The following CHD2 variants were observed in gnomAD, a reference collection of about 807,000 sequenced individuals.
CHD2 encodes chromodomain helicase DNA binding protein 2, also known as ATP-dependent chromatin remodeler CHD2.
CHD2 carries 28 observed loss-of-function variants against 243.9 expected under a neutral mutation model. The ratio of observed to expected loss-of-function variants is 0.11; its 90% confidence interval spans 0.09 to 0.16. The LOEUF (loss-of-function observed/expected upper bound fraction) is 0.16, where lower values mean the gene tolerates loss of function less well. CHD2 is among the 10% of genes least tolerant of loss of function. The probability of loss-of-function intolerance (pLI) is 1.00; values close to 1 mark genes in which losing one functional copy is unlikely to be tolerated. For synonymous variants in CHD2, 775 were observed against 779.0 expected (o/e 0.99, Z 0.09); for missense variants, 1,386 against 2,209.8 (o/e 0.63, Z 7.47).
chr15:93,015,705 A>G (rs185501526), intron 37 of CHD2, among the ~76,000 whole-genome samples: 3 of 152,352 alleles, frequency 2.0e-5, no homozygotes, highest in Admixed American at 6.5e-5. Flanking sequence ...AAGGACCTGA[A>G]TAGACATTTC....
intron 27 of CHD2, among the ~76,000 whole-genome samples, chr15:92,992,340 T>C (rs958389031): frequency 2.0e-5 from 3 of 152,174 alleles, no homozygotes; most frequent in Non-Finnish European, 4.4e-5. Context: ...GCCAATAGAA[T>C]GTGGAAAAGG....
chr15:92,986,911 T>A (rs1176149715), intron 26 of CHD2, among the ~76,000 whole-genome samples: 1 of 152,048 alleles, frequency 6.6e-6, no homozygotes, highest in African/African-American at 2.4e-5. Context: ...AAAAATTTTT[T>A]TTTTTGGTAG....
chr15:92,937,383 T>C (rs1284916138), intron 5 of CHD2, 135 bp from the exon 6 acceptor site: 7 of 611,956 alleles, frequency 1.1e-5, no homozygotes, highest in Non-Finnish European at 1.7e-5. Flanking sequence ...TAAATGGAGC[T>C]AGAATCTCTT....
chr15:92,988,474 C>A (rs920160186), intron 26 of CHD2, among the ~76,000 whole-genome samples: 1 of 152,114 alleles, frequency 6.6e-6, no homozygotes, highest in African/African-American at 2.4e-5. Context: ...TCTATTATTC[C>A]ATGGGTGCTC....
rs139849677 is a variant in CHD2 at position 92,909,813 on chromosome 15, G to A, written c.62+8514G>A. Among the ~76,000 whole-genome samples the A allele has an allele frequency of 8.0e-3, 1,210 of 151,986 alleles. 51 individuals are homozygous for A. The highest frequency in any genetic ancestry group is 0.068 in the Admixed American group (1,037 of 15,260). On this transcript the variant is annotated intron_variant, in intron 2 of 38. Transcript: ENST00000394196. ...ATTACAGATGTGAGCCACCGTACCT[G>A]GCCTTCACTTTGGATTTTATCAGGA...
At chr15:92,940,768 T>C (rs979012165) in intron 7 of CHD2, among the ~76,000 whole-genome samples, 2 of 141,828 alleles carry the variant, frequency 1.4e-5, no homozygotes, top group African/African-American at 2.6e-5. Context: ...TATAAAAATA[T>C]ATATAAAAAA....
intron 20 of CHD2, among the ~76,000 whole-genome samples, chr15:92,975,451 A>G (rs374825266): frequency 6.6e-6 from 1 of 152,214 alleles, no homozygotes; most frequent in East Asian, 1.9e-4. Flanking sequence ...GGGGGCACAT[A>G]TAGAAGAGCT....
chr15:92,988,671 C>T (rs572131092), intron 26 of CHD2, among the ~76,000 whole-genome samples: 8 of 152,004 alleles, frequency 5.3e-5, no homozygotes, highest in Non-Finnish European at 1.2e-4. Context: ...CTGTTTCTCA[C>T]GTGGGATAAT....
At chr15:92,925,955 C>G (rs1487586809) in intron 3 of CHD2, among the ~76,000 whole-genome samples, 1 of 152,074 alleles carries the variant, frequency 6.6e-6, no homozygotes, top group Admixed American at 6.6e-5. Context: ...AATGTCCTTT[C>G]TTAGTGACAT....
intron 2 of CHD2, among the ~76,000 whole-genome samples, chr15:92,917,362 C>T (rs1054434560): frequency 2.0e-5 from 3 of 152,152 alleles, no homozygotes; most frequent in African/African-American, 7.2e-5. Context: ...AGTTCAAGAC[C>T]AGCCTGGCCG....
rs181900646 is a variant in CHD2 at position 92,928,065 on chromosome 15, C to T, written c.381+735C>T. On this transcript the variant is annotated intron_variant, in intron 4 of 38. Coordinates refer to ENST00000394196, the MANE Select transcript of CHD2 (RefSeq NM_001271.4). ...TTTCTGCTTTCTTGGGAGGACTTTGCTAGTCTTAGCTATATAACGTACTTC... is the reference window on the plus strand; with the variant it reads ...TTTCTGCTTTCTTGGGAGGACTTTGTTAGTCTTAGCTATATAACGTACTTC... 9.7e-4 allele frequency among the ~76,000 whole-genome samples: 147 copies of T among 152,284 alleles called. 1 individual carries two copies. The highest frequency in any genetic ancestry group is 3.4e-3 in the African/African-American group (142 of 41,556).
chr15:92,971,620 A>G, intron 17 of CHD2, 145 bp from the exon 18 acceptor site: 1 of 539,886 alleles, frequency 1.9e-6, no homozygotes, highest in Non-Finnish European at 3.1e-6. Flanking sequence ...GGCAGGAGAT[A>G]CAAAAGAAAA....
chr15:93,001,561 G>A (rs182044723), intron 32 of CHD2, among the ~76,000 whole-genome samples: 9 of 152,232 alleles, frequency 5.9e-5, no homozygotes, highest in Admixed American at 1.3e-4. Context: ...TTGTCACCCA[G>A]GGTAGAGTGC....
intron 2 of CHD2, chr15:92,904,391 A>T: frequency 1.1e-6 from 1 of 951,028 alleles, no homozygotes; most frequent in South Asian, 4.8e-5. Flanking sequence ...GTGACGTCAG[A>T]CGGCTCCCCT....
chr15:92,916,155 G>A (rs140741633), intron 2 of CHD2, among the ~76,000 whole-genome samples: 1 of 152,206 alleles, frequency 6.6e-6, no homozygotes, highest in Non-Finnish European at 1.5e-5. Context: ...GGCCAAACCA[G>A]TGTGCATCTT....
Position 93,019,966 on chromosome 15 carries a change from T to A in CHD2, c.4907-46T>A, listed in dbSNP as rs199798935. The A allele has an allele frequency of 1.7e-4, 264 of 1,561,422 alleles. No homozygotes were observed. The East Asian group carries it at 4.9e-3, about 29-fold the overall frequency. Reference sequence around the variant, plus strand: ...AAAAAAATTGTAGTGAAAGTGAAATTCATCCATTTCTTGCAGTCATCAGAT... The same window carrying A: ...AAAAAAATTGTAGTGAAAGTGAAATACATCCATTTCTTGCAGTCATCAGAT... On this transcript the variant is annotated intron_variant, in intron 37 of 38. Coordinates refer to ENST00000394196, the MANE Select transcript of CHD2 (RefSeq NM_001271.4).
chr15:92,935,022 TTTTC>T (rs1420941125), intron 5 of CHD2, among the ~76,000 whole-genome samples: 429 of 150,590 alleles, frequency 2.8e-3, no homozygotes, highest in Middle Eastern at 0.01. Flanking sequence ...TAAGTTTTTT[TTTTC>T]TTTCTTTCTT....
At chr15:93,023,580 T>C (rs1297134863) in intron 38 of CHD2, among the ~76,000 whole-genome samples, 2 of 152,194 alleles carry the variant, frequency 1.3e-5, no homozygotes, top group African/African-American at 2.4e-5. Context: ...CCAAAATGTT[T>C]CTACGATGGC....
At chr15:92,966,139 C>G (rs1466821794) in intron 16 of CHD2, among the ~76,000 whole-genome samples, 1 of 150,392 alleles carries the variant, frequency 6.6e-6, no homozygotes, top group African/African-American at 2.4e-5. Flanking sequence ...TCTTGGCTCA[C>G]TGCAACCTTC....
Sources: gnomAD v4.1 joint callset for allele counts (sites outside exome capture counted in the v4.1 genomes callset) on GRCh38, gnomAD v4.1.1 for gene constraint, MANE v1.5 for transcripts, NCBI Gene and HGNC (gene_info 2026-07-23, HGNC 2026-07-21) for gene names.